Variants in COP1 observed in about 807,000 individuals in gnomAD.
COP1 encodes the protein COP1 E3 ubiquitin ligase.
COP1 carries 24 observed loss-of-function variants against 101.3 expected under a neutral mutation model. That is an observed-to-expected ratio of 0.24 (90% confidence interval 0.17 to 0.33). The LOEUF is 0.33. Among genes scored for constraint, COP1 ranks in the 10% least tolerant of loss-of-function variants. The pLI, the probability that COP1 is intolerant of heterozygous loss-of-function variation, is 1.00. For synonymous variants in COP1, 347 were observed against 341.9 expected, an observed-to-expected ratio of 1.01 and a Z score of -0.17; for missense variants, 663 against 906.2, an observed-to-expected ratio of 0.73 and a Z score of 3.45.
chr1:175,950,593 G>A (rs370279659), intron 18 of COP1, among the ~76,000 whole-genome samples: 1 of 152,088 alleles, frequency 6.6e-6, no homozygotes, highest in African/African-American at 2.4e-5. Context: ...TAGCTCAACA[G>A]GTTATTTTTT....
chr1:176,137,586 A>G (rs1690008798), intron 6 of COP1, among the ~76,000 whole-genome samples: 1 of 152,184 alleles, frequency 6.6e-6, no homozygotes. Context: ...AATGAAGCAC[A>G]GAAAGGTTAA....
chr1:176,158,168 T>G (rs921335819), intron 5 of COP1, among the ~76,000 whole-genome samples: 1 of 151,554 alleles, frequency 6.6e-6, no homozygotes, highest in East Asian at 1.9e-4. Context: ...TATCTTAAAC[T>G]GGGAGAAACA....
chr1:176,184,044 T>C (rs1052869315), intron 2 of COP1, among the ~76,000 whole-genome samples: 1 of 152,064 alleles, frequency 6.6e-6, no homozygotes, highest in Admixed American at 6.6e-5. Context: ...ACTACTGCAC[T>C]GTTTACATAA....
chr1:176,086,634 T>C (rs1019254670), intron 9 of COP1, among the ~76,000 whole-genome samples: 3 of 151,906 alleles, frequency 2.0e-5, no homozygotes, highest in African/African-American at 2.4e-5. Flanking sequence ...GGAAGAACAT[T>C]CCATGCTCAT....
At chr1:176,168,653 T>C (rs763269704) in intron 3 of COP1, 17 of 258,466 alleles carry the variant, frequency 6.6e-5, no homozygotes, top group Non-Finnish European at 1.6e-5. Flanking sequence ...GGGTCGGACT[T>C]CCAGCCCTTA....
intron 15 of COP1, among the ~76,000 whole-genome samples, chr1:176,026,234 A>G (rs1667637084): frequency 6.6e-6 from 1 of 152,086 alleles, no homozygotes; most frequent in Non-Finnish European, 1.5e-5. Flanking sequence ...TTAATTAAAT[A>G]CTGATAAAAT....
intron 18 of COP1, among the ~76,000 whole-genome samples, chr1:175,977,664 C>CA (rs891214424): frequency 2.0e-5 from 3 of 151,488 alleles, no homozygotes; most frequent in Non-Finnish European, 4.4e-5. Flanking sequence ...AAGTAAAATA[C>CA]AAAAAAAAGT....
chr1:176,003,355 T>C lies in COP1; in HGVS notation c.1730-13876A>G, dbSNP rs1236321434. ...GCTGTGCAGAAGCTCTTTAGTTTAA[T>C]TAGATCCCATTTGTCAATTTTGGCT... On this transcript the variant is annotated intron_variant, in intron 15 of 19. Coordinates refer to ENST00000367669, the MANE Select transcript of COP1 (RefSeq NM_022457.7). Among the ~76,000 whole-genome samples the C allele has an allele frequency of 3.9e-5, 6 of 152,244 alleles. No individual in the cohort carries two copies. The South Asian group carries it at 1.2e-3, about 32-fold the overall frequency.
At chr1:176,031,107 C>A (rs1327048168) in intron 14 of COP1, among the ~76,000 whole-genome samples, 2 of 152,104 alleles carry the variant, frequency 1.3e-5, no homozygotes, top group Admixed American at 1.3e-4. Context: ...GAGAGTGTGG[C>A]CCTGCCAACA....
chr1:175,978,744 G>T (rs1045418908), intron 18 of COP1, among the ~76,000 whole-genome samples: 6 of 152,008 alleles, frequency 3.9e-5, no homozygotes, highest in African/African-American at 1.2e-4. Flanking sequence ...GAGGAAAGAA[G>T]AAAAGAAAGG....
chr1:176,169,020 T>G (rs893589593), intron 3 of COP1, among the ~76,000 whole-genome samples: 5 of 152,180 alleles, frequency 3.3e-5, no homozygotes, highest in African/African-American at 1.2e-4. Flanking sequence ...CATCTAAAAT[T>G]TTTTGTGTGA....
At chr1:175,947,551 G>A (rs1649343561) in intron 18 of COP1, among the ~76,000 whole-genome samples, 1 of 151,928 alleles carries the variant, frequency 6.6e-6, no homozygotes, top group Non-Finnish European at 1.5e-5. Flanking sequence ...TGTATTTTTA[G>A]TAGAGACGGG....
rs377682944 is a variant in COP1, at chr1:176,001,764, G to C, written c.1730-12285C>G. ...ATTTCGGCCTGCAGAACTCTCTCTG[G>C]TATTTCTTATGGGGTAGGTCTCCTG... On this transcript the variant is annotated intron_variant, in intron 15 of 19. Coordinates refer to ENST00000367669, the MANE Select transcript of COP1 (RefSeq NM_022457.7). Among the ~76,000 whole-genome samples the C allele has an allele frequency of 4.4e-4, 67 of 152,080 alleles. 1 individual carries two copies. The South Asian group carries it at 0.014, about 31-fold the overall frequency.
At chr1:175,996,092 A>C (rs1372503801) in intron 15 of COP1, among the ~76,000 whole-genome samples, 3 of 151,598 alleles carry the variant, frequency 2.0e-5, no homozygotes, top group Non-Finnish European at 2.9e-5. Flanking sequence ...GCTGGTTCAA[A>C]ACAGGCAAAT....
intron 15 of COP1, among the ~76,000 whole-genome samples, chr1:176,023,971 C>G (rs1168953337): frequency 6.6e-6 from 1 of 151,846 alleles, no homozygotes; most frequent in Admixed American, 6.6e-5. Flanking sequence ...CATAAGAAAA[C>G]TACAGGCCGG....
At chr1:175,996,362 A>G (rs935551007) in intron 15 of COP1, among the ~76,000 whole-genome samples, 21 of 152,058 alleles carry the variant, frequency 1.4e-4, no homozygotes, top group African/African-American at 4.8e-4. Context: ...CTCTCTCACC[A>G]CTCCTCTTCA....
chr1:176,046,395 T>G, intron 11 of COP1, 71 bp from the exon 12 acceptor site: 1,117 of 1,430,902 alleles, frequency 7.8e-4, no homozygotes, highest in Non-Finnish European at 9.7e-4. Context: ...TAATTCGGTC[T>G]ACAAGGATAA....
intron 9 of COP1, among the ~76,000 whole-genome samples, chr1:176,087,054 A>G (rs916329756): frequency 6.6e-6 from 1 of 152,240 alleles, no homozygotes; most frequent in Non-Finnish European, 1.5e-5. Flanking sequence ...CTGGCTAGCC[A>G]TATGTAGAAA....
At chr1:176,073,152 C>T (rs1677314943) in intron 11 of COP1, among the ~76,000 whole-genome samples, 1 of 152,038 alleles carries the variant, frequency 6.6e-6, no homozygotes, top group African/African-American at 2.4e-5. Context: ...CAATATCTTG[C>T]TACCCAGGGT....
Sources: gnomAD v4.1 joint callset for allele counts (sites outside exome capture counted in the v4.1 genomes callset) on GRCh38, gnomAD v4.1.1 for gene constraint, MANE v1.5 for transcripts, NCBI Gene and HGNC (gene_info 2026-07-23, HGNC 2026-07-21) for gene names.